TRIM44: variants seen among roughly 807,000 people sequenced by gnomAD.
TRIM44 encodes tripartite motif-containing protein 44.
In TRIM44, 13 loss-of-function variants were observed where a neutral mutation model predicts 37.4. The observed-to-expected ratio is 0.35, with a 90% CI of 0.23 to 0.55. TRIM44 has a LOEUF of 0.55. Among genes scored for constraint, TRIM44 ranks in the 20% least tolerant of loss-of-function variants. The pLI is 0.89. For synonymous variants in TRIM44, 175 were observed against 157.2 expected (o/e 1.11, Z -0.85); for missense variants, 426 against 437.2 (o/e 0.97, Z 0.23).
chr11:35,715,584 A>G (rs1336173493), intron 2 of TRIM44, among the ~76,000 whole-genome samples: 4 of 152,108 alleles, frequency 2.6e-5, no homozygotes, highest in South Asian at 2.1e-4. Context: ...ACCAAAATTT[A>G]TAGTCTTATG....
chr11:35,706,014 G>A lies in TRIM44; in HGVS notation c.748-19910G>A, dbSNP rs998202178. 6.1e-5 allele frequency among the ~76,000 whole-genome samples: 9 copies of A among 148,666 alleles called. 1 individual carries two copies. The highest frequency in any genetic ancestry group is 2.2e-4 in the African/African-American group (9 of 41,114). On this transcript the variant is annotated intron_variant, in intron 2 of 4. Coordinates refer to ENST00000299413, the MANE Select transcript of TRIM44 (RefSeq NM_017583.6). ...GATCAACAAAATTGATAGACTGCTA[G>A]CAAGACTAATAAAGAAGAAAAGAGA...
rs1241402723 is a variant in TRIM44 at position 35,770,487 on chromosome 11, TA to T, written c.1007+35045del. Among the ~76,000 whole-genome samples the T allele has an allele frequency of 4.6e-5, 7 of 152,242 alleles. No individual in the cohort carries two copies. In the East Asian group the frequency reaches 1.3e-3, roughly 29 times the overall value. Reference sequence around the variant, plus strand: ...CTCTTTAACTGCTTTCCACAGTGGCTAAACTAATTTACATTCCCATCAACTG... The same window carrying T: ...CTCTTTAACTGCTTTCCACAGTGGCTAACTAATTTACATTCCCATCAACTG... On this transcript the variant is annotated intron_variant, in intron 4 of 4. Coordinates refer to ENST00000299413, the MANE Select transcript of TRIM44 (RefSeq NM_017583.6).
At chr11:35,786,008 C>T (rs1853126986) in intron 4 of TRIM44, among the ~76,000 whole-genome samples, 2 of 152,160 alleles carry the variant, frequency 1.3e-5, no homozygotes, top group Admixed American at 1.3e-4. Flanking sequence ...TGTTTTTAGC[C>T]ATGAAACGAA....
intron 2 of TRIM44, among the ~76,000 whole-genome samples, chr11:35,718,549 T>G (rs1234202870): frequency 1.3e-5 from 2 of 152,186 alleles, no homozygotes; most frequent in Admixed American, 6.5e-5. Flanking sequence ...AGTACATTTG[T>G]TTTCATTGGT....
At chr11:35,790,128 C>A (rs1228013287) in intron 4 of TRIM44, among the ~76,000 whole-genome samples, 2 of 152,154 alleles carry the variant, frequency 1.3e-5, no homozygotes, top group Admixed American at 1.3e-4. Flanking sequence ...ATTATCATTT[C>A]TCTTCCCCCC....
intron 4 of TRIM44, among the ~76,000 whole-genome samples, chr11:35,781,670 G>A (rs1853067276): frequency 6.6e-6 from 1 of 152,212 alleles, no homozygotes; most frequent in South Asian, 2.1e-4. Context: ...ATCATGAAGA[G>A]TAAATTCTAA....
intron 2 of TRIM44, among the ~76,000 whole-genome samples, chr11:35,697,296 G>A (rs558500859): frequency 1.4e-3 from 211 of 147,304 alleles, no homozygotes; most frequent in Middle Eastern, 3.5e-3. Flanking sequence ...TCCCACCTAT[G>A]AGTGAGAACA....
chr11:35,743,282 T>C (rs1475337138), intron 4 of TRIM44, among the ~76,000 whole-genome samples: 1 of 152,142 alleles, frequency 6.6e-6, no homozygotes, highest in Admixed American at 6.6e-5. Context: ...AAGTGTACCA[T>C]GTTGAGGCAC....
At chr11:35,761,409 A>ATG (rs1301504478) in intron 4 of TRIM44, among the ~76,000 whole-genome samples, 1 of 150,336 alleles carries the variant, frequency 6.7e-6, no homozygotes, top group East Asian at 2.0e-4. Flanking sequence ...CTCTCTCTAT[A>ATG]TATATATGTG....
At chr11:35,715,560 A>G (rs1001945028) in intron 2 of TRIM44, among the ~76,000 whole-genome samples, 1 of 152,046 alleles carries the variant, frequency 6.6e-6, no homozygotes, top group Non-Finnish European at 1.5e-5. Context: ...ACAATACAGA[A>G]TTAGGGCTTA....
chr11:35,678,604 C>T (rs906509651), intron 1 of TRIM44, among the ~76,000 whole-genome samples: 2 of 151,478 alleles, frequency 1.3e-5, no homozygotes, highest in Admixed American at 6.6e-5. Context: ...TCTCCCCTCT[C>T]CCCGCTCCCT....
chr11:35,718,654 A>G (rs1428381865), intron 2 of TRIM44, among the ~76,000 whole-genome samples: 4 of 152,126 alleles, frequency 2.6e-5, no homozygotes, highest in Admixed American at 2.6e-4. Flanking sequence ...TGATAAATGT[A>G]TATACCATTA....
intron 1 of TRIM44, among the ~76,000 whole-genome samples, chr11:35,676,209 A>C (rs942962744): frequency 4.6e-5 from 7 of 152,312 alleles, no homozygotes; most frequent in South Asian, 4.1e-4. Context: ...ATAGATGTAA[A>C]GAGTTTAGCA....
At chr11:35,708,927 A>G (rs988405025) in intron 2 of TRIM44, among the ~76,000 whole-genome samples, 7 of 151,914 alleles carry the variant, frequency 4.6e-5, no homozygotes, top group African/African-American at 1.4e-4. Context: ...TAAAAAATAA[A>G]TAAAAAATGA....
intron 4 of TRIM44, among the ~76,000 whole-genome samples, chr11:35,742,533 A>ATAATTATAT (rs1160886478): frequency 1.5e-5 from 2 of 131,616 alleles, no homozygotes; most frequent in Non-Finnish European, 3.1e-5. Flanking sequence ...TGTATTATAT[A>ATAATTATAT]TAATTATATT....
In TRIM44 at chr11:35,812,902, A is replaced by AT. The variant is rs1193183871; in HGVS notation, c.*6519dup. On this transcript the variant is annotated 3_prime_UTR_variant, in exon 5 of 5. Transcript: ENST00000299413. ...CTGTTAGACTTGCTTTATCTTCTTT[A>AT]TTCCAAGGCCATAAATAAGAAAATC... 1 of 152,194 alleles carries AT rather than the reference A, an allele frequency of 6.6e-6. No homozygotes were observed. Among genetic ancestry groups the AT allele is most frequent in the Non-Finnish European group, 1.5e-5 (1 of 68,024 alleles). The allele number at this position is 152,194 out of a possible 1,614,324, so 9.4% of individuals were successfully genotyped here.
chr11:35,787,737 G>A (rs550702058), intron 4 of TRIM44, among the ~76,000 whole-genome samples: 2 of 152,276 alleles, frequency 1.3e-5, no homozygotes, highest in South Asian at 2.1e-4. Context: ...AGACACCTGT[G>A]GTAGTGAGTG....
chr11:35,762,647 A>G (rs573415795), intron 4 of TRIM44, among the ~76,000 whole-genome samples: 11 of 152,204 alleles, frequency 7.2e-5, no homozygotes, highest in Non-Finnish European at 1.6e-4. Flanking sequence ...AAGATAATAC[A>G]TAATTAAGAA....
chr11:35,774,101 G>T (rs950123573), intron 4 of TRIM44, among the ~76,000 whole-genome samples: 4 of 152,166 alleles, frequency 2.6e-5, no homozygotes, highest in African/African-American at 9.7e-5. Context: ...GTGTAAAAGT[G>T]TTCCTATTTC....
Sources: allele counts gnomAD v4.1 joint callset (sites outside exome capture counted in the v4.1 genomes callset), GRCh38; gene constraint gnomAD v4.1.1; transcripts MANE v1.5; gene names NCBI Gene and HGNC (gene_info 2026-07-23, HGNC 2026-07-21).